ADCY9: variants seen among roughly 807,000 people sequenced by gnomAD.
ADCY9 encodes adenylate cyclase 9.
ADCY9 carries 50 observed loss-of-function variants against 101.5 expected under a neutral mutation model. The observed-to-expected ratio is 0.49, with a 90% CI of 0.39 to 0.62. The LOEUF (loss-of-function observed/expected upper bound fraction) is 0.62, where lower values mean the gene tolerates loss of function less well. Ranked by LOEUF, ADCY9 falls within the 20% of genes least tolerant of loss-of-function variation. The pLI, the probability that ADCY9 is intolerant of heterozygous loss-of-function variation, is 0.00. For synonymous variants in ADCY9, 905 were observed against 769.3 expected (o/e 1.18, Z -2.92); for missense variants, 1,662 against 1,800.4 (o/e 0.92, Z 1.39).
intron 2 of ADCY9, 127 bp downstream of exon 2, chr16:4,113,622 TC>T: frequency 1.6e-6 from 2 of 1,221,772 alleles, no homozygotes; most frequent in Non-Finnish European, 2.3e-6. Context: ...GACCCTGAGA[TC>T]CCCCCATGGT....
At chr16:3,959,041 C>A (rs967383693), downstream of ADCY9, among the ~76,000 whole-genome samples, 1 of 151,928 alleles carries the variant, frequency 6.6e-6, no homozygotes, top group Non-Finnish European at 1.5e-5. Flanking sequence ...ATCTTGCATG[C>A]GTTAGGGTTG....
At chr16:4,010,017 C>T (rs1869335194) in intron 2 of ADCY9, among the ~76,000 whole-genome samples, 1 of 152,220 alleles carries the variant, frequency 6.6e-6, no homozygotes, top group African/African-American at 2.4e-5. Flanking sequence ...GCAGTCCCCA[C>T]ATACTGAGAG....
At chr16:4,010,479 C>T (rs1204362004) in intron 2 of ADCY9, among the ~76,000 whole-genome samples, 1 of 152,246 alleles carries the variant, frequency 6.6e-6, no homozygotes, top group Non-Finnish European at 1.5e-5. Flanking sequence ...TCTGCTGTTG[C>T]TTTTTTGTAC....
At chr16:3,957,277 T>TG in intron 5 of ADCY9, among the ~76,000 whole-genome samples, 1 of 152,338 alleles carries the variant, frequency 6.6e-6, no homozygotes, top group Middle Eastern at 3.4e-3. Context: ...AACACTTCAA[T>TG]GGGGCATCCT....
intron 9 of ADCY9, among the ~76,000 whole-genome samples, chr16:3,976,801 G>A (rs1441166451): frequency 1.3e-5 from 2 of 152,146 alleles, no homozygotes; most frequent in Non-Finnish European, 1.5e-5. Context: ...GCGATTACAG[G>A]TGCACGCCCC....
At position 4,073,944 on chromosome 16, in the gene ADCY9, T is replaced by A. The variant is rs537485864; in HGVS notation, c.1693+39806A>T. On this transcript the variant is annotated intron_variant, in intron 2 of 10. Coordinates refer to ENST00000294016, the MANE Select transcript of ADCY9 (RefSeq NM_001116.4). ...ATCTTCCATTGTTCTAAAACTACAC[T>A]GTCTATATGGCAGCCGCTTAAATTT... Among the ~76,000 whole-genome samples the A allele has an allele frequency of 1.1e-4, 16 of 152,234 alleles. No individual in the cohort carries two copies. In the East Asian group the frequency reaches 3.1e-3, roughly 29 times the overall value.
rs547672956 is a variant in ADCY9 at position 3,978,569 on chromosome 16, C to T, written c.2679+547G>A. ...GGAACTTGATGAAGAAGAAGCCACA[C>T]TGGCAGGGACTCGTGCCCACCGGGG... On this transcript the variant is annotated intron_variant, in intron 8 of 10. Coordinates refer to ENST00000294016, the MANE Select transcript of ADCY9 (RefSeq NM_001116.4). Among the ~76,000 whole-genome samples, 63 of 152,330 alleles carry T rather than the reference C, an allele frequency of 4.1e-4. No homozygotes were observed. In the East Asian group the frequency reaches 8.7e-3, roughly 21 times the overall value.
Position 4,094,590 on chromosome 16 carries a change from C to T in ADCY9, c.1693+19160G>A, listed in dbSNP as rs527265157. Among the ~76,000 whole-genome samples, 98 of 151,566 alleles carry T rather than the reference C, an allele frequency of 6.5e-4. No homozygotes were observed. The South Asian group carries it at 9.6e-3, about 15-fold the overall frequency. On this transcript the variant is annotated intron_variant, in intron 2 of 10. Transcript: ENST00000294016. ...CTTTGGGAGGCCAAAGTGGGACGAT[C>T]GCTCGAGGCCCCGCAACACAGCAAG... is the stretch of plus-strand genomic sequence containing the variant.
intron 10 of ADCY9, among the ~76,000 whole-genome samples, chr16:3,969,150 C>T (rs2056025179): frequency 1.3e-5 from 2 of 151,984 alleles, no homozygotes; most frequent in Non-Finnish European, 2.9e-5. Flanking sequence ...ACTGAGCCTG[C>T]TTTCAGCGGG....
intron 6 of ADCY9, among the ~76,000 whole-genome samples, chr16:3,988,423 TG>T (rs1165178346): frequency 1.5e-5 from 1 of 67,036 alleles, no homozygotes; most frequent in African/African-American, 5.8e-5. Context: ...GGCAGGTCGG[TG>T]GGGAGTTCCC....
intron 8 of ADCY9, 146 bp downstream of exon 8, chr16:3,978,970 C>T: frequency 2.0e-6 from 2 of 1,006,222 alleles, no homozygotes; most frequent in Non-Finnish European, 1.5e-6. Flanking sequence ...CCACCTCCAC[C>T]TCCCACAGTG....
In ADCY9 at chr16:4,115,205, G is replaced by A; in HGVS notation, c.238C>T (p.Pro80Ser). Residue 80 changes from proline (P) to serine (S), a missense_variant, in exon 2 of 11, where the codon CCC (proline) becomes TCC (serine). Pro to Ser is a moderately conservative substitution (Grantham distance 74, BLOSUM62 -1). Transcript: ENST00000294016. This position sits in a 1 kb window ranked among gnomAD's most constrained non-coding sequence, Gnocchi z 6.2. ...GGRLRRQKKLPQLFERASSRW... is the reference protein window; with the variant it reads ...GGRLRRQKKLSQLFERASSRW... ...CTGGAGGCCCTCTCGAACAGCTGGG[G>A]CAGCTTCTTCTGCCTGCGCAGCCGG... 1.2e-6 allele frequency: 2 copies of A among 1,613,584 alleles called. No individual in the cohort carries two copies. Among genetic ancestry groups the A allele is most frequent in the Non-Finnish European group, 1.7e-6 (2 of 1,179,884 alleles).
At chr16:4,093,491 T>C (rs1417172516) in intron 2 of ADCY9, among the ~76,000 whole-genome samples, 1 of 152,168 alleles carries the variant, frequency 6.6e-6, no homozygotes, top group African/African-American at 2.4e-5. Context: ...CTAGTGAAAA[T>C]GAAATGGCTA....
intron 2 of ADCY9, among the ~76,000 whole-genome samples, chr16:4,081,843 T>C (rs1179954473): frequency 2.6e-5 from 3 of 117,032 alleles, no homozygotes; most frequent in Admixed American, 1.8e-4. Context: ...GCGCTGTGTC[T>C]GCAGTGGCGT....
At chr16:4,103,040 C>T (rs974052405) in intron 2 of ADCY9, among the ~76,000 whole-genome samples, 1 of 152,218 alleles carries the variant, frequency 6.6e-6, no homozygotes, top group East Asian at 1.9e-4. Context: ...GTCTTTATCA[C>T]ACACTTTGAA....
At chr16:3,970,001 G>C (rs1052930971) in intron 10 of ADCY9, among the ~76,000 whole-genome samples, 4 of 152,198 alleles carry the variant, frequency 2.6e-5, no homozygotes, top group Middle Eastern at 3.4e-3. Flanking sequence ...ATTAACATTT[G>C]TTGAACTGCA....
At position 3,992,333 on chromosome 16, in the gene ADCY9, T is replaced by C. The variant is rs750592510; in HGVS notation, c.2020A>G (p.Asn674Asp). Residue 674 changes from asparagine (N) to aspartate (D), a missense_variant, in exon 5 of 11, where the codon AAC (asparagine) becomes GAC (aspartate). By Grantham distance (23) the Asn-to-Asp change is conservative. This residue lies in a region of ADCY9 where 624 missense variants were observed against 639.1 expected (regional missense o/e 0.98). Coordinates refer to ENST00000294016, the MANE Select transcript of ADCY9 (RefSeq NM_001116.4). The surrounding 1 kb of genome is among the most constrained non-coding windows in gnomAD (Gnocchi z 4.2). ...TCTTGGGGAGGGCTGAGGAGCCCGTTCTGAGTTTTGGGATTAGGTCCTCCA... is the reference window on the plus strand; with the variant it reads ...TCTTGGGGAGGGCTGAGGAGCCCGTCCTGAGTTTTGGGATTAGGTCCTCCA... Reference protein sequence around the residue: ...ASGGPNPKTQNGLLSPPQEEK... With the variant: ...ASGGPNPKTQDGLLSPPQEEK... 6.2e-6 allele frequency: 10 copies of C among 1,613,870 alleles called. No individual in the cohort carries two copies. Among genetic ancestry groups the C allele is most frequent in the Admixed American group, 1.7e-5 (1 of 59,964 alleles).
intron 2 of ADCY9, among the ~76,000 whole-genome samples, chr16:4,082,251 C>T (rs1050799670): frequency 6.6e-6 from 1 of 151,978 alleles, no homozygotes; most frequent in Non-Finnish European, 1.5e-5. Flanking sequence ...TGGTGGTACA[C>T]GACTGTATTC....
rs561098639 is a variant in ADCY9 at position 3,979,311 on chromosome 16, G to A, written c.2520-36C>T. 32 of 1,608,166 alleles carry A rather than the reference G, an allele frequency of 2.0e-5. No homozygotes were observed. The South Asian group carries it at 3.1e-4, about 15-fold the overall frequency. Reference sequence around the variant, plus strand: ...CATGGGGGTTAGCAGGAGCGACGGGGCCCGGGGTGGGTCATCGGCCAGGAG... The same window carrying A: ...CATGGGGGTTAGCAGGAGCGACGGGACCCGGGGTGGGTCATCGGCCAGGAG... On this transcript the variant is annotated intron_variant, in intron 7 of 10. Transcript: ENST00000294016.
Sources: gnomAD v4.1 joint callset for allele counts (sites outside exome capture counted in the v4.1 genomes callset) on GRCh38, gnomAD v4.1.1 for gene constraint, gnomAD v4.1.1 regional missense constraint, Gnocchi (gnomAD v3.1) non-coding constraint, MANE v1.5 for transcripts, NCBI Gene and HGNC (gene_info 2026-07-23, HGNC 2026-07-21) for gene names.